HDGFL3: variants seen among roughly 807,000 people sequenced by gnomAD.
HDGFL3 encodes hepatoma-derived growth factor-related protein 3.
A neutral mutation model predicts 27.6 loss-of-function variants in HDGFL3; 6 were observed. That is an observed-to-expected ratio of 0.22 (90% CI 0.12 to 0.43). The LOEUF is 0.43. HDGFL3 is among the 20% of genes least tolerant of loss of function. The pLI, the probability that HDGFL3 is intolerant of heterozygous loss-of-function variation, is 1.00. For synonymous variants in HDGFL3, 88 were observed against 88.9 expected, an observed-to-expected ratio of 0.99 and a Z score of 0.05; for missense variants, 207 against 250.1, an observed-to-expected ratio of 0.83 and a Z score of 1.16.
chr15:83,136,261 G>C lies in HDGFL3; in HGVS notation c.*3009C>G. 2.5e-6 allele frequency: 1 copy of C among 392,174 alleles called. No individual in the cohort carries two copies. Among genetic ancestry groups the C allele is most frequent in the Non-Finnish European group, 4.5e-6 (1 of 221,494 alleles). 24.3% of individuals were successfully genotyped at this position (392,174 alleles called of 1,614,324 possible). On this transcript the variant is annotated 3_prime_UTR_variant, in exon 6 of 6. Coordinates refer to ENST00000299633, the MANE Select transcript of HDGFL3 (RefSeq NM_016073.4). Reference sequence around the variant, plus strand: ...ACACTAAATAATATCTACTTTATTTGAACAGTCATATCAAGAATGGCCCTA... The same window carrying C: ...ACACTAAATAATATCTACTTTATTTCAACAGTCATATCAAGAATGGCCCTA...
At chr15:83,157,030 A>G (rs1017140216) in intron 4 of HDGFL3, among the ~76,000 whole-genome samples, 4 of 152,168 alleles carry the variant, frequency 2.6e-5, no homozygotes, top group Admixed American at 1.3e-4. Flanking sequence ...TAGTTAAGTT[A>G]CATGTGATGC....
chr15:83,184,802 G>C (rs1212539965), intron 1 of HDGFL3: 1 of 152,196 alleles, frequency 6.6e-6, no homozygotes, highest in African/African-American at 2.4e-5. Flanking sequence ...AACTACTCGA[G>C]CGTCAGTTGC....
intron 5 of HDGFL3, among the ~76,000 whole-genome samples, chr15:83,144,101 T>C (rs2036841390): frequency 6.6e-6 from 1 of 152,170 alleles, no homozygotes; most frequent in African/African-American, 2.4e-5. Flanking sequence ...CACTAGTATC[T>C]TTCACTGCAG....
downstream of HDGFL3, chr15:83,124,660 ACT>A (rs1764134557): frequency 6.2e-7 from 1 of 1,610,542 alleles, no homozygotes. Context: ...TTAGGTACAA[ACT>A]CTATTTTAGG....
intron 1 of HDGFL3, among the ~76,000 whole-genome samples, chr15:83,199,310 T>C (rs1054870153): frequency 3.3e-5 from 5 of 152,194 alleles, no homozygotes; most frequent in African/African-American, 7.2e-5. Context: ...TTATTAATAA[T>C]AAAGTACTAC....
intron 4 of HDGFL3, among the ~76,000 whole-genome samples, chr15:83,153,311 C>T (rs2036987355): frequency 6.6e-6 from 1 of 152,146 alleles, no homozygotes; most frequent in African/African-American, 2.4e-5. Context: ...AGCCACCATG[C>T]CTGGCCCCTG....
downstream of HDGFL3, among the ~76,000 whole-genome samples, chr15:83,125,765 A>G (rs995686396): frequency 2.6e-5 from 4 of 152,208 alleles, no homozygotes; most frequent in African/African-American, 7.2e-5. Context: ...GGTGACTTTT[A>G]TCATTTCAGG....
chr15:83,131,334 G>GCGCCTGGCC lies in HDGFL3; in HGVS notation c.*7935_*7936insGGCCAGGCG, dbSNP rs2036231712. 2 of 151,980 alleles carry GCGCCTGGCC rather than the reference G, an allele frequency of 1.3e-5. No individual in the cohort carries two copies. The highest frequency in any genetic ancestry group is 1.3e-4 in the Admixed American group (2 of 15,256). 9.4% of individuals were successfully genotyped at this position (151,980 alleles called of 1,614,324 possible). ...TCTAGATCAGTATAGGCCAATGGAA[G>GCGCCTGGCC]AAATATTGAGTAGTGGCCAGGCGCA... On this transcript the variant is annotated 3_prime_UTR_variant, in exon 6 of 6. Transcript: ENST00000299633.
downstream of HDGFL3, chr15:83,127,350 C>A: frequency 1.2e-6 from 2 of 1,607,492 alleles, no homozygotes; most frequent in Non-Finnish European, 1.7e-6. Context: ...TTTCTCTGTT[C>A]AATACAGATG....
At chr15:83,141,530 G>C (rs1011356154) in intron 5 of HDGFL3, among the ~76,000 whole-genome samples, 4 of 152,178 alleles carry the variant, frequency 2.6e-5, no homozygotes, top group Non-Finnish European at 5.9e-5. Flanking sequence ...TAAAATTTGA[G>C]TGTTCAGTGA....
chr15:83,176,033 T>C (rs941679438), intron 1 of HDGFL3, among the ~76,000 whole-genome samples: 1 of 152,254 alleles, frequency 6.6e-6, no homozygotes, highest in Admixed American at 6.5e-5. Context: ...CTCTGTTGGA[T>C]GCAGCATGGC....
At chr15:83,159,606 T>C (rs1437333625) in intron 2 of HDGFL3, among the ~76,000 whole-genome samples, 5 of 152,146 alleles carry the variant, frequency 3.3e-5, no homozygotes, top group African/African-American at 1.2e-4. Context: ...ATGGATTTTA[T>C]AATTATAGAT....
chr15:83,170,116 A>C (rs986900847), intron 1 of HDGFL3, among the ~76,000 whole-genome samples: 14 of 152,238 alleles, frequency 9.2e-5, no homozygotes, highest in African/African-American at 3.4e-4. Context: ...GCACTGGAAT[A>C]ATCAGTATTG....
At chr15:83,181,589 C>A (rs2037381980) in intron 1 of HDGFL3, among the ~76,000 whole-genome samples, 1 of 152,176 alleles carries the variant, frequency 6.6e-6, no homozygotes, top group Admixed American at 6.5e-5. Flanking sequence ...GGTTCTCCTG[C>A]CTCAGCCTTC....
At chr15:83,183,684 C>G (rs929235686) in intron 1 of HDGFL3, among the ~76,000 whole-genome samples, 1 of 150,970 alleles carries the variant, frequency 6.6e-6, no homozygotes, top group East Asian at 2.0e-4. Context: ...GAGGCGGAGG[C>G]GGAGGTTGCA....
intron 4 of HDGFL3, among the ~76,000 whole-genome samples, chr15:83,153,565 T>A (rs2036990723): frequency 2.0e-5 from 3 of 152,172 alleles, no homozygotes; most frequent in Admixed American, 2.0e-4. Flanking sequence ...CTGAAACTCC[T>A]GTAATTTTGG....
At chr15:83,152,110 T>C (rs1333137777) in intron 4 of HDGFL3, among the ~76,000 whole-genome samples, 1 of 152,236 alleles carries the variant, frequency 6.6e-6, no homozygotes, top group Admixed American at 6.5e-5. Flanking sequence ...TTTTCTACAC[T>C]TCCTCTTTGA....
downstream of HDGFL3, among the ~76,000 whole-genome samples, chr15:83,123,705 AGAG>A (rs2035475023): frequency 2.0e-5 from 3 of 152,246 alleles, no homozygotes; most frequent in Admixed American, 2.0e-4. Context: ...CTCTGAGGAA[AGAG>A]GTGGCTGTTA....
Position 83,138,106 on chromosome 15 carries a change from C to G in HDGFL3, c.*1164G>C, listed in dbSNP as rs969707943. 1.3e-5 allele frequency: 2 copies of G among 152,498 alleles called. No homozygotes were observed. The highest frequency in any genetic ancestry group is 2.9e-5 in the Non-Finnish European group (2 of 67,980). 9.4% of individuals were successfully genotyped at this position (152,498 alleles called of 1,614,324 possible). A position where few individuals can be genotyped will look rare whatever the true frequency, so the allele number is the denominator to read the frequency against. On this transcript the variant is annotated 3_prime_UTR_variant, in exon 6 of 6. Transcript: ENST00000299633. ...CTTTAATATATGAATTACATTAATA[C>G]CTCACGTTACATATATGAAGCCAAA...
Sources: allele counts gnomAD v4.1 joint callset (sites outside exome capture counted in the v4.1 genomes callset), GRCh38; gene constraint gnomAD v4.1.1; transcripts MANE v1.5; gene names NCBI Gene and HGNC (gene_info 2026-07-23, HGNC 2026-07-21).